NPHP3: variants seen among roughly 807,000 people sequenced by gnomAD.
The protein encoded by NPHP3 is nephrocystin-3.
A neutral mutation model predicts 171.9 loss-of-function variants in NPHP3; 123 were observed. The observed-to-expected ratio is 0.72, with a 90% CI of 0.62 to 0.83. The LOEUF (loss-of-function observed/expected upper bound fraction) is 0.83, where lower values mean the gene tolerates loss of function less well. Ranked by LOEUF, NPHP3 falls within the 40% of genes least tolerant of loss-of-function variation. NPHP3 has a pLI of 0.00. For synonymous variants in NPHP3, 558 were observed against 579.2 expected (o/e 0.96, Z 0.52); for missense variants, 1,506 against 1,591.9 (o/e 0.95, Z 0.92).
chr3:132,700,349 T>C lies in NPHP3; in HGVS notation c.1728A>G (p.Lys576=). Residue 576 remains lysine (K), a synonymous_variant, in exon 11 of 27, where the codon AAA becomes AAG. Transcript: ENST00000337331. ...STSSESSLII[K]RLTLKLMQHS... ...GATACTATACCTTTAGAGTTAGTCGTTTAATAATCAAGGAGGACTCTGAGC... is the reference window on the plus strand; with the variant it reads ...GATACTATACCTTTAGAGTTAGTCGCTTAATAATCAAGGAGGACTCTGAGC... 6.2e-7 allele frequency: 1 copy of C among 1,604,942 alleles called. No individual in the cohort carries two copies. The highest frequency in any genetic ancestry group is 8.5e-7 in the Non-Finnish European group (1 of 1,171,756).
chr3:132,713,347 C>T, intron 5 of NPHP3, 61 bp from the exon 6 acceptor site: 1 of 1,138,038 alleles, frequency 8.8e-7, no homozygotes, highest in Non-Finnish European at 1.3e-6. Context: ...AAGTGAGATT[C>T]ATACTACTTA....
chr3:132,718,891 C>T (rs1162735932), intron 3 of NPHP3, 103 bp downstream of exon 3: 2 of 1,178,380 alleles, frequency 1.7e-6, no homozygotes. Context: ...AAGCAATAAC[C>T]TAATATAGAT....
intron 11 of NPHP3, 110 bp downstream of exon 11, chr3:132,700,224 C>T: frequency 1.7e-6 from 2 of 1,177,988 alleles, no homozygotes; most frequent in Admixed American, 1.9e-5. Flanking sequence ...TATATAAAAC[C>T]AAAACAGGTG....
rs758184777 is a variant in NPHP3, at chr3:132,692,761, G to C, written c.2368C>G (p.Leu790Val). ...AAAGTCCAGGACATCTCAGGATAGA[G>C]TTCCATCAGTTCTGATTCACTCACA... ...NGVSESELME[L>V]YPEMSWTFLT... Residue 790 changes from leucine (L) to valine (V), a missense_variant, in exon 17 of 27, where the codon CTC becomes GTC. By Grantham distance (32) the Leu-to-Val change is conservative. Around this residue, in one of 3 missense-constraint regions of NPHP3, gnomAD observed 569 missense variants for 648.1 expected, o/e 0.88. Coordinates refer to ENST00000337331, the MANE Select transcript of NPHP3 (RefSeq NM_153240.5). The C allele has an allele frequency of 6.2e-7, 1 of 1,613,904 alleles. No homozygotes were observed.
chr3:132,688,768 T>C lies in NPHP3; in HGVS notation c.3007A>G (p.Asn1003Asp), dbSNP rs766124678. 1.2e-6 allele frequency: 2 copies of C among 1,614,150 alleles called. No individual in the cohort carries two copies. The highest frequency in any genetic ancestry group is 2.2e-5 in the South Asian group (2 of 91,078). ...SVYVQWKKFG[N>D]AEQLYKQALE... is the part of the protein sequence containing the mutation. Reference sequence around the variant, plus strand: ...GCCTGTTTATACAGTTGTTCTGCATTGCCAAACTTCTTCCACTGCACGTAT... The same window carrying C: ...GCCTGTTTATACAGTTGTTCTGCATCGCCAAACTTCTTCCACTGCACGTAT... The change falls in exon 21 of 27, where the codon AAT (asparagine) becomes GAT (aspartate). Residue 1003 changes from asparagine (N) to aspartate (D), a missense_variant. This residue lies in a region of NPHP3 where 569 missense variants were observed against 648.1 expected (regional missense o/e 0.88). Transcript: ENST00000337331.
chr3:132,690,698 T>C (rs1939278233), intron 18 of NPHP3, 48 bp from the exon 19 acceptor site: 1 of 1,601,564 alleles, frequency 6.2e-7, no homozygotes, highest in Admixed American at 1.7e-5. Context: ...ACAATGAGAC[T>C]GCTTCAAAAA....
In NPHP3 at chr3:132,719,669, T is replaced by C. The variant is rs201559488; in HGVS notation, c.519+36A>G. 6.2e-4 allele frequency: 879 copies of C among 1,409,524 alleles called. 14 individuals carry two copies. In the South Asian group the frequency reaches 0.01, roughly 17 times the overall value. 87.3% of individuals were successfully genotyped at this position (1,409,524 alleles called of 1,614,324 possible). On this transcript the variant is annotated intron_variant, in intron 2 of 26. Transcript: ENST00000337331. ...ACTTTTAGAATATACTATTTTATTC[T>C]ATGTTGCTTTGGGGGTAAAAATGTA... is the stretch of plus-strand genomic sequence containing the variant.
intron 10 of NPHP3, 90 bp from the exon 11 acceptor site, chr3:132,700,538 G>A (rs1003925148): frequency 7.8e-5 from 57 of 726,312 alleles, no homozygotes; most frequent in Non-Finnish European, 2.5e-5. Flanking sequence ...AACATCAAAT[G>A]TTGCCTAACT....
At position 132,719,089 on chromosome 3, in the gene NPHP3, T is replaced by A; in HGVS notation, c.575A>T (p.Glu192Val). Residue 192 changes from glutamate (E) to valine (V), a missense_variant, in exon 3 of 27, where the codon GAG (glutamate) becomes GTG (valine). Around this residue, in one of 3 missense-constraint regions of NPHP3, gnomAD observed 930 missense variants for 924.9 expected, o/e 1.01. Transcript: ENST00000337331. ...TAGCCTCTGAAGTTTGCTCTCCAAC[T>A]CCCTCTTGGCCCTCAGTAAGTCCTG... ...EIQDLLRAKR[E>V]LESKLQRLQA... The A allele has an allele frequency of 6.2e-7, 1 of 1,613,856 alleles. No homozygotes were observed. Among genetic ancestry groups the A allele is most frequent in the Non-Finnish European group, 8.5e-7 (1 of 1,179,764 alleles).
chr3:132,686,233 T>C (rs1431711017), intron 23 of NPHP3, 27 bp downstream of exon 23: 1 of 1,602,230 alleles, frequency 6.2e-7, no homozygotes, highest in Admixed American at 1.7e-5. Flanking sequence ...GGTTAATTAT[T>C]TTCATTATTA....
rs772903071 is a variant in NPHP3 at position 132,715,054 on chromosome 3, T to G, written c.957+31A>C. ...TATAATATTAACTTATATTTTAAATTGGTTGATACAGAATTTATAAATATC... is the reference window on the plus strand; with the variant it reads ...TATAATATTAACTTATATTTTAAATGGGTTGATACAGAATTTATAAATATC... On this transcript the variant is annotated intron_variant, in intron 5 of 26. Transcript: ENST00000337331. 4 of 1,570,196 alleles carry G rather than the reference T, an allele frequency of 2.5e-6. No homozygotes were observed. In the Admixed American group the frequency reaches 6.7e-5, roughly 26 times the overall value.
rs1371762469 is a variant in NPHP3 at position 132,688,798 on chromosome 3, T to C, written c.2977A>G (p.Ser993Gly). ...RVAQSLHQLA[S>G]VYVQWKKFGN... ...AACTTCTTCCACTGCACGTATACAC[T>C]TGCTAGTTGGTGGAGGGACTGGGCT... Residue 993 changes from serine to glycine, a missense_variant, in exon 21 of 27, where the codon AGT (serine) becomes GGT (glycine). Transcript: ENST00000337331. 2 of 1,614,086 alleles carry C rather than the reference T, an allele frequency of 1.2e-6. No individual in the cohort carries two copies. Among genetic ancestry groups the C allele is most frequent in the East Asian group, 4.5e-5 (2 of 44,878 alleles).
chr3:132,704,079 C>A (rs774844566), intron 9 of NPHP3, 119 bp downstream of exon 9: 59 of 1,005,772 alleles, frequency 5.9e-5, no homozygotes, highest in Non-Finnish European at 8.7e-5. Context: ...ATAATCAAGC[C>A]ATGAGATTAG....
At chr3:132,696,940 T>A in intron 14 of NPHP3, 127 bp from the exon 15 acceptor site, 2 of 799,728 alleles carry the variant, frequency 2.5e-6, no homozygotes, top group South Asian at 1.4e-5. Context: ...ATCCGTGACA[T>A]CACAACATGC....
intron 7 of NPHP3, among the ~76,000 whole-genome samples, chr3:132,706,594 T>C (rs1939761399): frequency 1.3e-5 from 2 of 152,236 alleles, no homozygotes; most frequent in South Asian, 4.1e-4. Context: ...TGTAAGAACA[T>C]GTCTACTACT....
intron 10 of NPHP3, 52 bp downstream of exon 10, chr3:132,701,378 G>T: frequency 8.0e-7 from 1 of 1,251,382 alleles, no homozygotes; most frequent in Non-Finnish European, 1.2e-6. Flanking sequence ...TTGTTGAATA[G>T]ATTCAGTAAT....
Position 132,680,676 on chromosome 3 carries a change from C to G in NPHP3, c.*1234G>C, listed in dbSNP as rs1226776680. ...CTATTACATATTTCACTTTTACAAT[C>G]AATACATGTTAGGATCTTACAAGTA... On this transcript the variant is annotated 3_prime_UTR_variant, in exon 27 of 27. Transcript: ENST00000337331. The G allele has an allele frequency of 6.6e-6, 1 of 152,056 alleles. No individual in the cohort carries two copies. The highest frequency in any genetic ancestry group is 2.4e-5 in the African/African-American group (1 of 41,378). The allele number at this position is 152,056 out of a possible 1,614,324, so 9.4% of individuals were successfully genotyped here.
In NPHP3 at chr3:132,694,850, C is replaced by T. The variant is rs757431226; in HGVS notation, c.2287G>A (p.Val763Met). The T allele has an allele frequency of 6.2e-7, 1 of 1,613,544 alleles. No homozygotes were observed. The highest frequency in any genetic ancestry group is 8.5e-7 in the Non-Finnish European group (1 of 1,179,924). ...ACCTGCTTCATTAGCTCTTTATCCA[C>T]ATCATTTGCCATGGACTCCCGGATA... ...HSIRESMAND[V>M]DKELMKQILC... Residue 763 changes from valine to methionine, a missense_variant, in exon 16 of 27, where the codon GTG becomes ATG. Coordinates refer to ENST00000337331, the MANE Select transcript of NPHP3 (RefSeq NM_153240.5).
At chr3:132,687,405 T>C (rs1055235829) in intron 21 of NPHP3, among the ~76,000 whole-genome samples, 179 bp from the exon 22 acceptor site, 1 of 152,120 alleles carries the variant, frequency 6.6e-6, no homozygotes, top group Admixed American at 6.6e-5. Context: ...AAACAAAATA[T>C]GACAAAACAC....
Sources: allele counts gnomAD v4.1 joint callset (sites outside exome capture counted in the v4.1 genomes callset), GRCh38; gene constraint gnomAD v4.1.1; regional missense constraint gnomAD v4.1.1; transcripts MANE v1.5; gene names NCBI Gene and HGNC (gene_info 2026-07-23, HGNC 2026-07-21).